EVI5: variants seen among roughly 807,000 people sequenced by gnomAD.
EVI5 encodes ecotropic viral integration site 5 protein homolog.
EVI5 carries 73 observed loss-of-function variants against 112.0 expected under a neutral mutation model. The ratio of observed to expected loss-of-function variants is 0.65; its 90% CI spans 0.54 to 0.79. The LOEUF is 0.79. Ranked by LOEUF, EVI5 falls within the 30% of genes least tolerant of loss-of-function variation. The pLI is 0.00. For synonymous variants in EVI5, 305 were observed against 319.9 expected, an observed-to-expected ratio of 0.95 and a Z score of 0.50; for missense variants, 900 against 968.8, an observed-to-expected ratio of 0.93 and a Z score of 0.94.
At chr1:92,757,969 ACAATGTTCAT>A (rs1377943510) in intron 1 of EVI5, among the ~76,000 whole-genome samples, 2 of 151,934 alleles carry the variant, frequency 1.3e-5, no homozygotes, top group Non-Finnish European at 2.9e-5. Flanking sequence ...GGTAATAACC[ACAATGTTCAT>A]CAATCAGAAA....
At chr1:92,752,426 C>T (rs544802343) in intron 1 of EVI5, among the ~76,000 whole-genome samples, 16 of 152,270 alleles carry the variant, frequency 1.1e-4, no homozygotes, top group African/African-American at 3.6e-4. Flanking sequence ...TTGCCCGCCT[C>T]GACCTCCCAA....
chr1:92,761,584 G>A (rs1207082627), intron 1 of EVI5, among the ~76,000 whole-genome samples: 1 of 152,154 alleles, frequency 6.6e-6, no homozygotes, highest in Non-Finnish European at 1.5e-5. Flanking sequence ...TAAAAAACCT[G>A]ATATACAACT....
At chr1:92,553,828 G>T (rs1416652393) in intron 19 of EVI5, among the ~76,000 whole-genome samples, 1 of 152,178 alleles carries the variant, frequency 6.6e-6, no homozygotes, top group Non-Finnish European at 1.5e-5. Flanking sequence ...TTGCCTTGGA[G>T]ATTTAAAAAA....
At chr1:92,685,925 A>C (rs556718091) in intron 9 of EVI5, among the ~76,000 whole-genome samples, 19 of 152,290 alleles carry the variant, frequency 1.2e-4, no homozygotes, top group Non-Finnish European at 2.2e-4. Flanking sequence ...CAACCAAAAA[A>C]AGTCCAGGAC....
At chr1:92,787,715 G>A (rs534041001), upstream of EVI5, among the ~76,000 whole-genome samples, 84 of 151,722 alleles carry the variant, frequency 5.5e-4, 1 homozygote, top group South Asian at 0.017. Context: ...ACTCCAGCCT[G>A]GGCGACAGAG....
upstream of EVI5, among the ~76,000 whole-genome samples, chr1:92,789,659 G>A (rs1005986159): frequency 3.9e-5 from 6 of 152,118 alleles, no homozygotes; most frequent in African/African-American, 1.4e-4. Context: ...TCTATGTTCT[G>A]ATACTGTACA....
intron 19 of EVI5, among the ~76,000 whole-genome samples, chr1:92,539,626 T>G (rs1202249770): frequency 6.6e-6 from 1 of 151,596 alleles, no homozygotes; most frequent in Non-Finnish European, 1.5e-5. Flanking sequence ...TTGTAAATAC[T>G]TTAATAGACC....
At chr1:92,771,312 C>T (rs1683377985) in intron 1 of EVI5, among the ~76,000 whole-genome samples, 1 of 152,068 alleles carries the variant, frequency 6.6e-6, no homozygotes. Context: ...TCTACTCCAT[C>T]CTTCCTACAC....
At chr1:92,529,165 C>T (rs761524385) in intron 19 of EVI5, among the ~76,000 whole-genome samples, 2 of 152,114 alleles carry the variant, frequency 1.3e-5, no homozygotes, top group South Asian at 2.1e-4. Context: ...TTTTCTTATC[C>T]TCTTCATATA....
chr1:92,609,737 C>A (rs908913745), intron 16 of EVI5, among the ~76,000 whole-genome samples: 1 of 152,118 alleles, frequency 6.6e-6, no homozygotes, highest in South Asian at 2.1e-4. Context: ...AAAGACCCCC[C>A]TCCAGTTTTA....
At chr1:92,690,901 T>C (rs1318801277) in intron 9 of EVI5, among the ~76,000 whole-genome samples, 1 of 152,240 alleles carries the variant, frequency 6.6e-6, no homozygotes, top group Non-Finnish European at 1.5e-5. Flanking sequence ...TTAAGTATTC[T>C]TGTCAGAAAT....
At chr1:92,553,784 C>A (rs1046573166) in intron 19 of EVI5, among the ~76,000 whole-genome samples, 4 of 152,138 alleles carry the variant, frequency 2.6e-5, no homozygotes, top group Non-Finnish European at 4.4e-5. Flanking sequence ...GTTATACATT[C>A]TTTTAAATGG....
intron 18 of EVI5, among the ~76,000 whole-genome samples, chr1:92,602,911 CAAACAT>C (rs1037237068): frequency 6.6e-6 from 1 of 151,836 alleles, no homozygotes; most frequent in Non-Finnish European, 1.5e-5. Context: ...GAAAAGGCAA[CAAACAT>C]AATGGGAGAA....
At chr1:92,548,051 A>G (rs139381627) in intron 19 of EVI5, among the ~76,000 whole-genome samples, 4 of 152,068 alleles carry the variant, frequency 2.6e-5, no homozygotes, top group Admixed American at 6.5e-5. Flanking sequence ...CAAAAAAAGA[A>G]AATTTTAGAC....
At chr1:92,591,219 A>C (rs1673817338) in intron 18 of EVI5, among the ~76,000 whole-genome samples, 1 of 152,070 alleles carries the variant, frequency 6.6e-6, no homozygotes, top group African/African-American at 2.4e-5. Flanking sequence ...CGAGCAAAAT[A>C]ACCAGCTAAC....
At chr1:92,658,063 A>G (rs1363668448) in intron 13 of EVI5, among the ~76,000 whole-genome samples, 2 of 152,188 alleles carry the variant, frequency 1.3e-5, no homozygotes, top group Non-Finnish European at 2.9e-5. Context: ...TCCAAGCCAT[A>G]TCATAGGCAT....
At chr1:92,775,469 A>G (rs1342253670) in intron 1 of EVI5, among the ~76,000 whole-genome samples, 1 of 152,064 alleles carries the variant, frequency 6.6e-6, no homozygotes, top group East Asian at 1.9e-4. Flanking sequence ...ATTATAATAT[A>G]GTACTTTTGG....
chr1:92,771,833 T>C (rs1268559203), intron 1 of EVI5, among the ~76,000 whole-genome samples: 3 of 151,410 alleles, frequency 2.0e-5, no homozygotes, highest in Non-Finnish European at 4.4e-5. Context: ...CCAAGTCTTA[T>C]ACCCCACTGT....
upstream of EVI5, among the ~76,000 whole-genome samples, chr1:92,787,618 G>C (rs767346368): frequency 6.6e-5 from 10 of 152,080 alleles, no homozygotes; most frequent in Non-Finnish European, 1.3e-4. Flanking sequence ...GTAGGCACCT[G>C]TAGTCCTGCT....
Sources: allele counts gnomAD v4.1 joint callset (sites outside exome capture counted in the v4.1 genomes callset), GRCh38; gene constraint gnomAD v4.1.1; transcripts MANE v1.5; gene names NCBI Gene and HGNC (gene_info 2026-07-23, HGNC 2026-07-21).